Variants in LVRN observed in about 807,000 individuals in gnomAD.
LVRN encodes the protein aminopeptidase Q.
In LVRN, 99 loss-of-function variants were observed where a neutral mutation model predicts 111.4. The ratio of observed to expected loss-of-function variants is 0.89; its 90% CI spans 0.76 to 1.05. The LOEUF (loss-of-function observed/expected upper bound fraction) is 1.05, where lower values mean the gene tolerates loss of function less well. LVRN is among the 50% of genes least tolerant of loss of function. The pLI is 0.00. For synonymous variants in LVRN, 488 were observed against 449.5 expected (o/e 1.09, Z -1.08); for missense variants, 1,414 against 1,206.8 (o/e 1.17, Z -2.54).
At chr5:115,966,253 C>G (rs183086576) in intron 1 of LVRN, among the ~76,000 whole-genome samples, 2 of 152,268 alleles carry the variant, frequency 1.3e-5, no homozygotes, top group Admixed American at 6.5e-5. Context: ...CCCTGACAAC[C>G]ACTAATCCGT....
intron 15 of LVRN, among the ~76,000 whole-genome samples, chr5:116,012,824 G>A (rs1017907167): frequency 6.6e-6 from 1 of 152,136 alleles, no homozygotes; most frequent in African/African-American, 2.4e-5. Flanking sequence ...AAGCCACAGG[G>A]GAAAAGGTCC....
intron 19 of LVRN, 46 bp from the exon 20 acceptor site, chr5:116,025,932 A>G (rs1188086493): frequency 1.9e-6 from 3 of 1,603,698 alleles, no homozygotes; most frequent in Non-Finnish European, 2.6e-6. Flanking sequence ...CTTTGTCCAA[A>G]TGGGAAGTTG....
Position 116,026,083 on chromosome 5 carries a change from G to A in LVRN, c.2938G>A (p.Ala980Thr). The A allele has an allele frequency of 1.9e-6, 3 of 1,613,864 alleles. No individual in the cohort carries two copies. Among genetic ancestry groups the A allele is most frequent in the Non-Finnish European group, 2.5e-6 (3 of 1,179,844 alleles). ...AAATCTGAAAAACAAGAAGCTAAGT[G>A]CCAGGATAGCTGCGTGGCTAAGGAG... ...NENLKNKKLSARIAAWLRRNT is the reference protein window; with the variant it reads ...NENLKNKKLSTRIAAWLRRNT Residue 980 changes from alanine (A) to threonine (T), a missense_variant, in exon 20 of 20, where the codon GCC becomes ACC. Physicochemically the swap from Ala to Thr is moderately conservative, Grantham distance 58. Transcript: ENST00000357872.
chr5:115,989,534 C>T (rs1747939008), intron 4 of LVRN, among the ~76,000 whole-genome samples: 1 of 152,194 alleles, frequency 6.6e-6, no homozygotes, highest in Admixed American at 6.5e-5. Context: ...TTTTAATTAT[C>T]TCCCTCATTA....
In LVRN at chr5:115,999,840, A is replaced by G. The variant is rs1748199316; in HGVS notation, c.1453A>G (p.Lys485Glu). Residue 485 changes from lysine to glutamate, a missense_variant, in exon 7 of 20, where the codon AAG (lysine) becomes GAG (glutamate). Transcript: ENST00000357872. ...HALVTRAVAM[K>E]VENFKTSEIQ... Reference sequence around the variant, plus strand: ...CCTGGTGACTAGAGCTGTGGCCATGAAGGTGGAAAATTTCAAAACAAGTGA... The same window carrying G: ...CCTGGTGACTAGAGCTGTGGCCATGGAGGTGGAAAATTTCAAAACAAGTGA... 1.2e-6 allele frequency: 2 copies of G among 1,613,612 alleles called. No individual in the cohort carries two copies. The highest frequency in any genetic ancestry group is 1.3e-5 in the African/African-American group (1 of 74,872).
chr5:116,005,712 G>A, intron 12 of LVRN, 200 bp from the exon 13 acceptor site: 1 of 645,690 alleles, frequency 1.5e-6, no homozygotes. Flanking sequence ...ATGTCCAGAG[G>A]GTTCATTTAT....
chr5:116,003,575 T>TG (rs1384203239), intron 12 of LVRN, among the ~76,000 whole-genome samples, 195 bp downstream of exon 12: 2 of 97,328 alleles, frequency 2.1e-5, no homozygotes, highest in East Asian at 3.0e-4. Flanking sequence ...GTGGTTTTTT[T>TG]TTGTTTTTTT....
intron 1 of LVRN, among the ~76,000 whole-genome samples, chr5:115,963,686 C>T (rs1753141769): frequency 2.6e-5 from 4 of 152,170 alleles, no homozygotes; most frequent in African/African-American, 9.7e-5. Context: ...GGAAGGGGAA[C>T]ATCACACACC....
chr5:116,015,698 T>C lies in LVRN; in HGVS notation c.2689T>C (p.Ser897Pro). The change falls in exon 18 of 20, where the codon TCA (serine) becomes CCA (proline). Residue 897 changes from serine to proline, a missense_variant. By Grantham distance (74) the Ser-to-Pro change is moderately conservative (BLOSUM62 -1). Transcript: ENST00000357872. ...AACAAATATAATTGAGGTTGTGGCT[T>C]CATCTGAAGTTGGCCGGTATGTCGC... ...NETNIIEVVA[S>P]SEVGRYVAKD... 6.2e-7 allele frequency: 1 copy of C among 1,613,510 alleles called. No individual in the cohort carries two copies. The highest frequency in any genetic ancestry group is 1.1e-5 in the South Asian group (1 of 90,948).
At chr5:115,967,740 T>C (rs1210817941) in intron 1 of LVRN, among the ~76,000 whole-genome samples, 1 of 152,220 alleles carries the variant, frequency 6.6e-6, no homozygotes, top group Non-Finnish European at 1.5e-5. Flanking sequence ...GCATTAAATG[T>C]CCATTTATTT....
Position 115,983,278 on chromosome 5 carries a change from G to T in LVRN, c.696-9G>T. 10 of 1,555,924 alleles carry T rather than the reference G, an allele frequency of 6.4e-6. No individual in the cohort carries two copies. The highest frequency in any genetic ancestry group is 8.6e-6 in the Non-Finnish European group (10 of 1,158,774). On this transcript the variant is annotated splice_polypyrimidine_tract_variant and intron_variant, in intron 1 of 19. Coordinates refer to ENST00000357872, the MANE Select transcript of LVRN (RefSeq NM_173800.5). ...AAATAAATAAAAATTTCCCCAAAATGTATTTCAGGGCCCTGTTAGCGTCCC... is the reference window on the plus strand; with the variant it reads ...AAATAAATAAAAATTTCCCCAAAATTTATTTCAGGGCCCTGTTAGCGTCCC...
At chr5:115,970,901 G>T (rs1753310808) in intron 1 of LVRN, among the ~76,000 whole-genome samples, 1 of 152,144 alleles carries the variant, frequency 6.6e-6, no homozygotes, top group Non-Finnish European at 1.5e-5. Flanking sequence ...GGAGTGGTTA[G>T]ATCATATGAA....
intron 13 of LVRN, among the ~76,000 whole-genome samples, chr5:116,008,260 C>T (rs1307469144): frequency 6.6e-6 from 1 of 152,216 alleles, no homozygotes; most frequent in Non-Finnish European, 1.5e-5. Flanking sequence ...AGGAGAATGG[C>T]ATGAACCCAG....
chr5:115,989,422 T>C (rs1747937686), intron 4 of LVRN, among the ~76,000 whole-genome samples: 2 of 152,182 alleles, frequency 1.3e-5, no homozygotes, highest in South Asian at 4.1e-4. Flanking sequence ...ATTCTGTTTC[T>C]CAACTCAGTG....
At chr5:115,977,427 G>A (rs1400802505) in intron 1 of LVRN, among the ~76,000 whole-genome samples, 2 of 152,084 alleles carry the variant, frequency 1.3e-5, no homozygotes, top group Admixed American at 6.6e-5. Flanking sequence ...GCTTCTGGTT[G>A]TCTTATGTCT....
In LVRN at chr5:115,963,267, G is replaced by C; in HGVS notation, c.650G>C (p.Arg217Thr). The C allele has an allele frequency of 6.2e-7, 1 of 1,612,674 alleles. No individual in the cohort carries two copies. The highest frequency in any genetic ancestry group is 8.5e-7 in the Non-Finnish European group (1 of 1,179,900). Residue 217 changes from arginine (R) to threonine (T), a missense_variant, in exon 1 of 20, where the codon AGG (arginine) becomes ACG (threonine). Arg to Thr is a moderately conservative substitution (Grantham distance 71, BLOSUM62 -1). Transcript: ENST00000357872. Reference sequence around the variant, plus strand: ...TCGGGCCTGGTGAAGGAAGACCTCAGGGAGGGACTCTTCCTCAACGTCTAC... The same window carrying C: ...TCGGGCCTGGTGAAGGAAGACCTCACGGAGGGACTCTTCCTCAACGTCTAC... The part of the protein sequence containing the change: ...SFSGLVKEDL[R>T]EGLFLNVYTD...
intron 12 of LVRN, among the ~76,000 whole-genome samples, chr5:116,004,526 C>T (rs910715654): frequency 2.6e-5 from 4 of 152,170 alleles, no homozygotes; most frequent in Non-Finnish European, 4.4e-5. Flanking sequence ...AGCTTAGGTT[C>T]TGGATCAGGA....
chr5:115,999,623 AT>A lies in LVRN; in HGVS notation c.1375-136del, dbSNP rs1748194325. 3.5e-6 allele frequency: 3 copies of A among 847,174 alleles called. No individual in the cohort carries two copies. In the South Asian group the frequency reaches 5.2e-5, roughly 15 times the overall value. 52.5% of individuals were successfully genotyped at this position (847,174 alleles called of 1,614,324 possible). On this transcript the variant is annotated intron_variant, in intron 6 of 19. Coordinates refer to ENST00000357872, the MANE Select transcript of LVRN (RefSeq NM_173800.5). ...AAGGAATCCTGACTTTATTTGGCATATTTCAACTCAAAGACACTTCTCAATT... is the reference window on the plus strand; with the variant it reads ...AAGGAATCCTGACTTTATTTGGCATATTCAACTCAAAGACACTTCTCAATT...
intron 13 of LVRN, among the ~76,000 whole-genome samples, chr5:116,010,294 A>G (rs1316945144): frequency 1.3e-5 from 2 of 152,078 alleles, no homozygotes; most frequent in Non-Finnish European, 2.9e-5. Context: ...TTGCTTTATT[A>G]TGATATTAGC....
Sources: gnomAD v4.1 joint callset for allele counts (sites outside exome capture counted in the v4.1 genomes callset) on GRCh38, gnomAD v4.1.1 for gene constraint, MANE v1.5 for transcripts, NCBI Gene and HGNC (gene_info 2026-07-23, HGNC 2026-07-21) for gene names.